The following NDUFB1 variants were observed in gnomAD, a reference collection of about 807,000 sequenced individuals.
The protein encoded by NDUFB1 is NADH dehydrogenase [ubiquinone] 1 beta subcomplex subunit 1.
NDUFB1 carries 6 observed loss-of-function variants against 6.7 expected under a neutral mutation model. That is an observed-to-expected ratio of 0.89 (90% CI 0.49 to 1.76). The LOEUF (loss-of-function observed/expected upper bound fraction) is 1.76. Among genes scored for constraint, NDUFB1 ranks in the 40% most tolerant of loss-of-function variants. The pLI, the probability that NDUFB1 is intolerant of heterozygous loss-of-function variation, is 0.01. For missense variants in NDUFB1, 56 were observed against 71.0 expected (o/e 0.79, Z 0.76); for synonymous variants, 17 against 22.9 (o/e 0.74, Z 0.74).
rs76522654 is a variant in NDUFB1 at position 92,119,414 on chromosome 14, C to T, written c.-5-1772G>A. On this transcript the variant is annotated intron_variant, in intron 1 of 2. Transcript: ENST00000605997. ...TATTTACATTTTACAGATAAGAAAA[C>T]AGCTTAATCCAAATAGCTATTAAGT... 1.7e-4 allele frequency among the ~76,000 whole-genome samples: 26 copies of T among 151,900 alleles called. No homozygotes were observed. In the East Asian group the frequency reaches 5.0e-3, roughly 29 times the overall value.
chr14:92,119,335 G>C (rs1239983632), intron 1 of NDUFB1, among the ~76,000 whole-genome samples: 1 of 150,900 alleles, frequency 6.6e-6, no homozygotes, highest in African/African-American at 2.4e-5. Flanking sequence ...AGACTACTAG[G>C]TTACTAGGTA....
At chr14:92,117,385 G>T in intron 2 of NDUFB1, 113 bp downstream of exon 2, 1 of 1,043,968 alleles carries the variant, frequency 9.6e-7, no homozygotes, top group South Asian at 1.3e-5. Context: ...AGTATCATTT[G>T]AATCTAAGTC....
At chr14:92,118,143 G>A (rs994966166) in intron 1 of NDUFB1, 2 of 165,064 alleles carry the variant, frequency 1.2e-5, no homozygotes, top group Non-Finnish European at 2.7e-5. Context: ...TTACATACGG[G>A]ACAATGATTA....
At chr14:92,116,524 G>A (rs760181094) in intron 2 of NDUFB1, among the ~76,000 whole-genome samples, 1 of 151,452 alleles carries the variant, frequency 6.6e-6, no homozygotes, top group Non-Finnish European at 1.5e-5. Context: ...TGGTAGAGAC[G>A]GGGTTTCACC....
Position 92,120,206 on chromosome 14 carries a change from A to C in NDUFB1, c.-6+1436T>G, listed in dbSNP as rs1165994674. 2.6e-5 allele frequency: 4 copies of C among 152,322 alleles called. No homozygotes were observed. The East Asian group carries it at 7.7e-4, about 29-fold the overall frequency. 9.4% of individuals were successfully genotyped at this position (152,322 alleles called of 1,614,324 possible). A position where few individuals can be genotyped will look rare whatever the true frequency, so the allele number is the denominator to read the frequency against. On this transcript the variant is annotated intron_variant, in intron 1 of 2. Transcript: ENST00000605997. The stretch of plus-strand genomic sequence containing the variant: ...AATAAATCATGTACAATGACTAAGA[A>C]GACATATGACAACATCCTAGAAAGA...
At chr14:92,118,988 G>GAAAAA in intron 1 of NDUFB1, 1 of 347,540 alleles carries the variant, frequency 2.9e-6, no homozygotes, top group Non-Finnish European at 5.5e-6. Flanking sequence ...AAAAAAGAAA[G>GAAAAA]AAAAAAAAAG....
intron 1 of NDUFB1, among the ~76,000 whole-genome samples, chr14:92,119,698 T>C (rs781755792): frequency 6.6e-6 from 1 of 152,190 alleles, no homozygotes; most frequent in Non-Finnish European, 1.5e-5. Context: ...AGGACCGAAT[T>C]AAAACATAAA....
At chr14:92,117,387 A>C (rs2068723678) in intron 2 of NDUFB1, 111 bp downstream of exon 2, 2 of 1,068,384 alleles carry the variant, frequency 1.9e-6, no homozygotes, top group Non-Finnish European at 2.9e-6. Flanking sequence ...TATCATTTGA[A>C]TCTAAGTCCT....
At chr14:92,116,297 G>A (rs1169376834) in intron 2 of NDUFB1, 68 bp from the exon 3 acceptor site, 14 of 1,273,638 alleles carry the variant, frequency 1.1e-5, no homozygotes. Context: ...AGATAAAAGG[G>A]GAAGTCAGAA....
At chr14:92,117,796 G>A (rs1381861982) in intron 1 of NDUFB1, 154 bp from the exon 2 acceptor site, 15 of 723,564 alleles carry the variant, frequency 2.1e-5, no homozygotes, top group South Asian at 3.7e-5. Context: ...TTAGGAGTTC[G>A]AGACCAGCCT....
intron 1 of NDUFB1, chr14:92,120,212 ATG>A (rs1425887896): frequency 6.6e-6 from 1 of 152,218 alleles, no homozygotes; most frequent in Non-Finnish European, 1.5e-5. Flanking sequence ...AAGAAGACAT[ATG>A]ACAACATCCT....
intron 1 of NDUFB1, chr14:92,118,940 C>T: frequency 2.7e-6 from 1 of 370,088 alleles, no homozygotes; most frequent in South Asian, 1.9e-5. Context: ...CGCCACTACA[C>T]TCCAGCCTGG....
chr14:92,121,609 GTCGCGGCGGCCCCCC>G lies in NDUFB1; in HGVS notation c.-6+18_-6+32del. On this transcript the variant is annotated intron_variant, in intron 1 of 2. Coordinates refer to ENST00000605997, the MANE Select transcript of NDUFB1 (RefSeq NM_004545.4). The stretch of plus-strand genomic sequence containing the variant: ...CCCCGCCACCGTCGCCGTGATCCTC[GTCGCGGCGGCCCCCC>G]GGGCTCCCCAAACCCACCTGCAGCC... 6.2e-7 allele frequency: 1 copy of G among 1,610,948 alleles called. No individual in the cohort carries two copies. The highest frequency in any genetic ancestry group is 1.7e-5 in the Admixed American group (1 of 59,900).
At chr14:92,121,398 C>A (rs1228635217) in intron 1 of NDUFB1, 1 of 624,550 alleles carries the variant, frequency 1.6e-6, no homozygotes, top group African/African-American at 1.8e-5. Context: ...TGGGTCACAT[C>A]TCTACGGACG....
chr14:92,116,410 T>C (rs2068718295), intron 2 of NDUFB1, among the ~76,000 whole-genome samples, 181 bp from the exon 3 acceptor site: 2 of 147,226 alleles, frequency 1.4e-5, no homozygotes, highest in South Asian at 4.4e-4. Context: ...CTTGGCTCAC[T>C]GCAAACTCCA....
chr14:92,118,346 G>C (rs984899353), intron 1 of NDUFB1: 1 of 152,052 alleles, frequency 6.6e-6, no homozygotes, highest in Admixed American at 6.6e-5. Context: ...TTGCTATGTT[G>C]CCCAGGCTGG....
chr14:92,118,292 C>G (rs2068730431), intron 1 of NDUFB1: 1 of 152,372 alleles, frequency 6.6e-6, no homozygotes. Context: ...TTTGCACCCT[C>G]CTCATGTTGT....
At chr14:92,118,208 T>C (rs936433766) in intron 1 of NDUFB1, 1 of 157,466 alleles carries the variant, frequency 6.4e-6, no homozygotes, top group African/African-American at 2.4e-5. Context: ...CTAGCTTCAA[T>C]AGTGATGTGA....
intron 2 of NDUFB1, among the ~76,000 whole-genome samples, chr14:92,116,884 C>T (rs1490068575): frequency 6.6e-6 from 1 of 152,222 alleles, no homozygotes; most frequent in Non-Finnish European, 1.5e-5. Flanking sequence ...TTGTGAATCA[C>T]TTCTACCATC....
Sources: allele counts gnomAD v4.1 joint callset (sites outside exome capture counted in the v4.1 genomes callset), GRCh38; gene constraint gnomAD v4.1.1; transcripts MANE v1.5; gene names NCBI Gene and HGNC (gene_info 2026-07-23, HGNC 2026-07-21).